TMEM117: variants seen among roughly 807,000 people sequenced by gnomAD.
TMEM117 encodes the protein transmembrane protein 117.
TMEM117 carries 27 observed loss-of-function variants against 52.4 expected under a neutral mutation model. That is an observed-to-expected ratio of 0.51 (90% CI 0.38 to 0.71). TMEM117 has a LOEUF of 0.71. TMEM117 is among the 30% of genes least tolerant of loss of function. The probability of loss-of-function intolerance (pLI) is 0.00; values close to 1 mark genes in which losing one functional copy is unlikely to be tolerated. For missense variants in TMEM117, 556 were observed against 630.5 expected (o/e 0.88, Z 1.26); for synonymous variants, 215 against 206.3 (o/e 1.04, Z -0.36).
intron 6 of TMEM117, among the ~76,000 whole-genome samples, chr12:44,375,024 T>C (rs894196808): frequency 2.0e-5 from 3 of 151,816 alleles, no homozygotes; most frequent in Non-Finnish European, 2.9e-5. Flanking sequence ...TTATTATCAT[T>C]ATTATTATTA....
At chr12:44,160,260 A>G (rs1245127956) in intron 4 of TMEM117, among the ~76,000 whole-genome samples, 1 of 152,140 alleles carries the variant, frequency 6.6e-6, no homozygotes, top group Non-Finnish European at 1.5e-5. Context: ...CATTAAGTAA[A>G]TTACATACAC....
At chr12:44,399,027 C>T in the TMEM117 span, among the ~76,000 whole-genome samples, 63 of 152,166 alleles carry the variant, frequency 4.1e-4, 2 homozygotes, top group East Asian at 0.011. Flanking sequence ...ATTTGTATTA[C>T]AAAATCATAG....
intron 3 of TMEM117, among the ~76,000 whole-genome samples, chr12:44,134,412 C>T (rs1016186633): frequency 6.6e-6 from 1 of 152,074 alleles, no homozygotes; most frequent in Non-Finnish European, 1.5e-5. Flanking sequence ...ATGTGGTGCA[C>T]TATGTTTCCC....
At position 44,371,084 on chromosome 12, in the gene TMEM117, G is replaced by A. The variant is rs573395750; in HGVS notation, c.769-5511G>A. The stretch of plus-strand genomic sequence containing the variant: ...TTGCTGAAAGAAATCAGGCACTCAG[G>A]TTTCTTAATAAGAAACAAAAATATC... On this transcript the variant is annotated intron_variant, in intron 6 of 7. Coordinates refer to ENST00000266534, the MANE Select transcript of TMEM117 (RefSeq NM_032256.3). 1.2e-4 allele frequency among the ~76,000 whole-genome samples: 18 copies of A among 152,196 alleles called. No homozygotes were observed. The South Asian group carries it at 2.3e-3, about 19-fold the overall frequency.
chr12:44,392,019 C>T (rs946054358), downstream of TMEM117, among the ~76,000 whole-genome samples: 1 of 152,126 alleles, frequency 6.6e-6, no homozygotes, highest in Admixed American at 6.6e-5. Flanking sequence ...GATAAACTGG[C>T]ACTTTCCTCA....
chr12:44,217,645 A>G (rs1949735288), intron 5 of TMEM117, among the ~76,000 whole-genome samples: 1 of 152,202 alleles, frequency 6.6e-6, no homozygotes, highest in African/African-American at 2.4e-5. Context: ...GTCACAGGTC[A>G]GATGAGTCAG....
intron 4 of TMEM117, among the ~76,000 whole-genome samples, chr12:44,186,898 A>C (rs1384861563): frequency 1.3e-5 from 2 of 152,164 alleles, no homozygotes; most frequent in African/African-American, 4.8e-5. Context: ...TTAACATTTA[A>C]ATTCTTGAGA....
chr12:43,851,437 C>A (rs1037707652), intron 2 of TMEM117, among the ~76,000 whole-genome samples: 1 of 152,052 alleles, frequency 6.6e-6, no homozygotes, highest in African/African-American at 2.4e-5. Flanking sequence ...TCCAGTACCT[C>A]TCTCTCTCAT....
chr12:44,136,902 G>A (rs1948498882), intron 3 of TMEM117, among the ~76,000 whole-genome samples: 1 of 151,878 alleles, frequency 6.6e-6, no homozygotes, highest in African/African-American at 2.4e-5. Context: ...TAATTACATG[G>A]CACACAATTT....
intron 2 of TMEM117, among the ~76,000 whole-genome samples, chr12:43,870,566 T>C (rs1943686145): frequency 6.6e-6 from 1 of 151,954 alleles, no homozygotes; most frequent in African/African-American, 2.4e-5. Context: ...GCCATGTGCA[T>C]GTGTCTTTAT....
chr12:44,051,132 G>A (rs1011998101), intron 3 of TMEM117, among the ~76,000 whole-genome samples: 6 of 152,178 alleles, frequency 3.9e-5, no homozygotes, highest in African/African-American at 1.4e-4. Flanking sequence ...ATTCAGAGTG[G>A]GAAGCTCAGG....
chr12:44,251,599 T>TA (rs999502728), intron 5 of TMEM117, among the ~76,000 whole-genome samples: 1 of 152,120 alleles, frequency 6.6e-6, no homozygotes, highest in Non-Finnish European at 1.5e-5. Context: ...AAGATGGATT[T>TA]AAAAAAAGTA....
At chr12:43,805,490 G>A in the TMEM117 span, 4 of 454,684 alleles carry the variant, frequency 8.8e-6, no homozygotes, top group Non-Finnish European at 1.8e-5. Flanking sequence ...AGTAACCCGG[G>A]GATATATTAT....
At chr12:44,128,587 G>T (rs1014668336) in intron 3 of TMEM117, among the ~76,000 whole-genome samples, 3 of 152,134 alleles carry the variant, frequency 2.0e-5, no homozygotes. Flanking sequence ...ATTGCAGATG[G>T]CTGGGAGGCA....
chr12:43,835,432 G>A (rs1339898899), upstream of TMEM117, among the ~76,000 whole-genome samples: 1 of 152,108 alleles, frequency 6.6e-6, no homozygotes, highest in Non-Finnish European at 1.5e-5. Flanking sequence ...GTATGCATGA[G>A]TGTATTTGTG....
At chr12:44,313,736 T>C (rs1951019620) in intron 6 of TMEM117, among the ~76,000 whole-genome samples, 1 of 152,244 alleles carries the variant, frequency 6.6e-6, no homozygotes, top group Non-Finnish European at 1.5e-5. Context: ...TTTCAGTCTA[T>C]GAGCATGGAA....
chr12:44,052,656 A>G (rs916752137), intron 3 of TMEM117, among the ~76,000 whole-genome samples: 1 of 152,120 alleles, frequency 6.6e-6, no homozygotes, highest in Admixed American at 6.5e-5. Flanking sequence ...CTCGGGCAGC[A>G]TTTAAGGCAA....
intron 3 of TMEM117, among the ~76,000 whole-genome samples, chr12:43,957,105 A>C (rs1945321429): frequency 6.6e-6 from 1 of 152,206 alleles, no homozygotes; most frequent in African/African-American, 2.4e-5. Flanking sequence ...TTGAACAATG[A>C]GAACACATGG....
chr12:44,024,383 T>C (rs931728378), intron 3 of TMEM117, among the ~76,000 whole-genome samples: 1 of 152,144 alleles, frequency 6.6e-6, no homozygotes, highest in African/African-American at 2.4e-5. Context: ...AAGGGAGCAG[T>C]CCTCACCGTT....
Sources: allele counts gnomAD v4.1 joint callset (sites outside exome capture counted in the v4.1 genomes callset), GRCh38; gene constraint gnomAD v4.1.1; transcripts MANE v1.5; gene names NCBI Gene and HGNC (gene_info 2026-07-23, HGNC 2026-07-21).